The following CAMTA1 variants were observed in gnomAD, a reference collection of about 807,000 sequenced individuals.
CAMTA1 encodes the protein calmodulin-binding transcription activator 1.
Under a neutral mutation model 170.9 loss-of-function variants are expected in CAMTA1, and 27 were observed. That is an observed-to-expected ratio of 0.16 (90% CI 0.12 to 0.22). CAMTA1 has a LOEUF of 0.22. Ranked by LOEUF, CAMTA1 falls within the 10% of genes least tolerant of loss-of-function variation. The pLI is 1.00. For missense variants in CAMTA1, 1,619 were observed against 2,217.2 expected (o/e 0.73, Z 5.42); for synonymous variants, 833 against 891.5 (o/e 0.93, Z 1.17).
Position 6,887,781 on chromosome 1 carries a change from C to T in CAMTA1, c.234+62571C>T. 1 of 1,531,820 alleles carries T rather than the reference C, an allele frequency of 6.5e-7. No homozygotes were observed. The highest frequency in any genetic ancestry group is 8.7e-7 in the Non-Finnish European group (1 of 1,144,876). The allele number at this position is 1,531,820 out of a possible 1,614,324, so 94.9% of individuals were successfully genotyped here. ...AGGGAGAGCTTTCCCATCCTGCCAG[C>T]CCCATGTCTGGCTTTAAGACAGTTC... is the stretch of plus-strand genomic sequence containing the variant. On this transcript the variant is annotated intron_variant, in intron 3 of 22. Transcript: ENST00000303635. The surrounding 1 kb of genome is among the most constrained non-coding windows in gnomAD (Gnocchi z 4.1).
chr1:6,878,512 C>A (rs1670573652), intron 3 of CAMTA1, among the ~76,000 whole-genome samples: 1 of 152,232 alleles, frequency 6.6e-6, no homozygotes, highest in Non-Finnish European at 1.5e-5. Context: ...TGAGAAGTGA[C>A]TTGTACCTGC....
rs1445731950 is a variant in CAMTA1 at position 7,511,287 on chromosome 1, C to G, written c.510+43386C>G. 3.4e-4 allele frequency among the ~76,000 whole-genome samples: 49 copies of G among 145,478 alleles called. 7 individuals carry two copies. Among genetic ancestry groups the G allele is most frequent in the Non-Finnish European group, 7.7e-5 (5 of 64,962 alleles). ...TTGAGTTCACATCCTGGAGGGACAC[C>G]CTAGTAGCTCCGTGACCTTGAGTGT... On this transcript the variant is annotated intron_variant, in intron 6 of 22. Coordinates refer to ENST00000303635, the MANE Select transcript of CAMTA1 (RefSeq NM_015215.4).
chr1:7,335,680 C>T (rs763167), intron 5 of CAMTA1, among the ~76,000 whole-genome samples: 10,126 of 151,766 alleles, frequency 0.067, 1,137 homozygotes, highest in African/African-American at 0.23. Flanking sequence ...ATAGCATTCA[C>T]GCGTGTGTCC....
At chr1:7,603,705 G>A (rs576114985) in intron 6 of CAMTA1, among the ~76,000 whole-genome samples, 2 of 152,156 alleles carry the variant, frequency 1.3e-5, no homozygotes, top group Non-Finnish European at 2.9e-5. Flanking sequence ...ATTATTATGT[G>A]TGAATTTGAT....
At chr1:7,215,396 TG>T (rs1460230893) in intron 4 of CAMTA1, among the ~76,000 whole-genome samples, 1 of 152,246 alleles carries the variant, frequency 6.6e-6, no homozygotes, top group Non-Finnish European at 1.5e-5. Context: ...TGTAGTTTTT[TG>T]TTTGTTTGTT....
intron 5 of CAMTA1, among the ~76,000 whole-genome samples, chr1:7,346,243 C>G (rs1395615235): frequency 6.6e-6 from 1 of 152,152 alleles, no homozygotes; most frequent in Non-Finnish European, 1.5e-5. Flanking sequence ...AGAATCCATG[C>G]TGCCTTGCTG....
At chr1:7,107,800 C>G (rs1643761993) in intron 4 of CAMTA1, among the ~76,000 whole-genome samples, 2 of 152,242 alleles carry the variant, frequency 1.3e-5, no homozygotes, top group African/African-American at 4.8e-5. Context: ...GAGGGCCTTT[C>G]CAAGCAGGGA....
intron 3 of CAMTA1, among the ~76,000 whole-genome samples, chr1:6,827,489 C>T (rs894325271): frequency 1.3e-5 from 2 of 149,446 alleles, no homozygotes; most frequent in South Asian, 2.1e-4. Context: ...ACTTACCCTA[C>T]GAATTGTTAA....
intron 6 of CAMTA1, among the ~76,000 whole-genome samples, chr1:7,485,069 G>C (rs975474735): frequency 6.6e-6 from 1 of 152,138 alleles, no homozygotes; most frequent in African/African-American, 2.4e-5. Context: ...CCCGGACCTG[G>C]ATCCAGCCCC....
chr1:7,098,954 G>T (rs1263466749), intron 4 of CAMTA1, among the ~76,000 whole-genome samples: 1 of 152,170 alleles, frequency 6.6e-6, no homozygotes, highest in Non-Finnish European at 1.5e-5. Flanking sequence ...CGGTGTCCTG[G>T]AGGAGCCAAG....
rs1481383130 is a variant in CAMTA1, at chr1:7,144,085, G to A, written c.302+52714G>A. Among the ~76,000 whole-genome samples the A allele has an allele frequency of 2.0e-5, 3 of 152,162 alleles. No homozygotes were observed. The highest frequency in any genetic ancestry group is 2.9e-5 in the Non-Finnish European group (2 of 68,026). Reference sequence around the variant, plus strand: ...CTGCCGTAACAAAATACCACAGACTGGGTGGCTTAAACAACAGACATTTAT... The same window carrying A: ...CTGCCGTAACAAAATACCACAGACTAGGTGGCTTAAACAACAGACATTTAT... On this transcript the variant is annotated intron_variant, in intron 4 of 22. Coordinates refer to ENST00000303635, the MANE Select transcript of CAMTA1 (RefSeq NM_015215.4). This position sits in a 1 kb window ranked among gnomAD's most constrained non-coding sequence, Gnocchi z 4.0.
chr1:7,231,316 A>G (rs188967689), intron 4 of CAMTA1, among the ~76,000 whole-genome samples: 1 of 134,948 alleles, frequency 7.4e-6, no homozygotes, highest in East Asian at 2.4e-4. Context: ...CATTCATCAC[A>G]TACTGGCTTA....
At chr1:6,967,114 A>C (rs1241431683) in intron 3 of CAMTA1, among the ~76,000 whole-genome samples, 1 of 151,622 alleles carries the variant, frequency 6.6e-6, no homozygotes, top group Non-Finnish European at 1.5e-5. Context: ...GGTGGTGTGC[A>C]CCTGTAGTCC....
At chr1:7,190,229 A>G (rs933447146) in intron 4 of CAMTA1, among the ~76,000 whole-genome samples, 5 of 152,214 alleles carry the variant, frequency 3.3e-5, no homozygotes, top group Non-Finnish European at 7.3e-5. Context: ...AATCATCACT[A>G]AAGAACTTAC....
chr1:7,476,391 G>A (rs750644567), intron 6 of CAMTA1, among the ~76,000 whole-genome samples: 7 of 152,206 alleles, frequency 4.6e-5, no homozygotes, highest in Non-Finnish European at 7.3e-5. Flanking sequence ...CAGAATGGGC[G>A]GGGCGGTCAG....
intron 3 of CAMTA1, among the ~76,000 whole-genome samples, chr1:6,919,972 C>A (rs922741507): frequency 6.6e-6 from 1 of 152,094 alleles, no homozygotes; most frequent in Non-Finnish European, 1.5e-5. Flanking sequence ...TAAACCATAT[C>A]ATTCCTCCCC....
rs1699159292 is a variant in CAMTA1 at position 7,007,409 on chromosome 1, C to T, written c.235-83895C>T. On this transcript the variant is annotated intron_variant, in intron 3 of 22. Coordinates refer to ENST00000303635, the MANE Select transcript of CAMTA1 (RefSeq NM_015215.4). The surrounding 1 kb of genome is among the most constrained non-coding windows in gnomAD (Gnocchi z 4.5). ...CTGTGGGCCACCCCGAGGAAGTGAC[C>T]CCTATGAGCCAGCCTTGTGGGGCAA... Among the ~76,000 whole-genome samples, 1 of 152,194 alleles carries T rather than the reference C, an allele frequency of 6.6e-6. No homozygotes were observed. The highest frequency in any genetic ancestry group is 2.4e-5 in the African/African-American group (1 of 41,448).
chr1:6,850,968 C>G (rs1660149502), intron 3 of CAMTA1, among the ~76,000 whole-genome samples: 1 of 152,142 alleles, frequency 6.6e-6, no homozygotes, highest in Non-Finnish European at 1.5e-5. Context: ...TGGAAAGAAG[C>G]AAGTATAATT....
At chr1:7,441,873 A>T (rs911390125) in intron 5 of CAMTA1, among the ~76,000 whole-genome samples, 1 of 152,158 alleles carries the variant, frequency 6.6e-6, no homozygotes, top group Non-Finnish European at 1.5e-5. Flanking sequence ...CTCTTAGACC[A>T]ACGTGGGTTC....
Sources: gnomAD v4.1 joint callset for allele counts (sites outside exome capture counted in the v4.1 genomes callset) on GRCh38, gnomAD v4.1.1 for gene constraint, Gnocchi (gnomAD v3.1) non-coding constraint, MANE v1.5 for transcripts, NCBI Gene and HGNC (gene_info 2026-07-23, HGNC 2026-07-21) for gene names.